SGK1: variants seen among roughly 807,000 people sequenced by gnomAD.
SGK1 encodes serum/glucocorticoid regulated kinase 1.
A neutral mutation model predicts 64.2 loss-of-function variants in SGK1; 26 were observed. The observed-to-expected ratio is 0.40, with a 90% CI of 0.30 to 0.56. The LOEUF is 0.56. SGK1 is among the 20% of genes least tolerant of loss of function. SGK1 has a pLI of 0.38. For missense variants in SGK1, 519 were observed against 645.6 expected (o/e 0.80, Z 2.12); for synonymous variants, 265 against 239.7 (o/e 1.11, Z -0.98).
chr6:134,207,342 T>C lies in SGK1; in HGVS notation c.361+14A>G, dbSNP rs1775810211. ...GTACATAACAGGAAACAGGTTGTAT[T>C]TTTCCAATAATACCTGGATCATCAT... On this transcript the variant is annotated intron_variant, in intron 3 of 13. Coordinates refer to ENST00000367858, the MANE Select transcript of SGK1 (RefSeq NM_001143676.3). 6.4e-7 allele frequency: 1 copy of C among 1,570,706 alleles called. No homozygotes were observed.
chr6:134,268,292 C>T (rs1037952207), intron 1 of SGK1, among the ~76,000 whole-genome samples: 1 of 152,174 alleles, frequency 6.6e-6, no homozygotes, highest in African/African-American at 2.4e-5. Context: ...CACGAATGCC[C>T]GGATGCCAGC....
chr6:134,276,229 C>G (rs1339306752), intron 1 of SGK1, among the ~76,000 whole-genome samples: 3 of 152,150 alleles, frequency 2.0e-5, no homozygotes, highest in Non-Finnish European at 4.4e-5. Flanking sequence ...TTTCAAGGCA[C>G]AGGGAATGAC....
intron 2 of SGK1, among the ~76,000 whole-genome samples, chr6:134,214,037 T>A (rs987555506): frequency 2.0e-5 from 3 of 152,176 alleles, no homozygotes; most frequent in African/African-American, 7.2e-5. Flanking sequence ...GGCTGGAATA[T>A]TTTAAATCAA....
In SGK1 at chr6:134,284,164, C is replaced by T. The variant is rs1489159381; in HGVS notation, c.70-22016G>A. Among the ~76,000 whole-genome samples the T allele has an allele frequency of 2.0e-5, 3 of 152,054 alleles. No homozygotes were observed. The East Asian group carries it at 5.8e-4, about 29-fold the overall frequency. Reference sequence around the variant, plus strand: ...CTGCAGTGCAGTGGCTCAATCTCAGCTCACTGCAACCTCTGCCTCCCAGGT... The same window carrying T: ...CTGCAGTGCAGTGGCTCAATCTCAGTTCACTGCAACCTCTGCCTCCCAGGT... On this transcript the variant is annotated intron_variant, in intron 1 of 13. Coordinates refer to ENST00000367858, the MANE Select transcript of SGK1 (RefSeq NM_001143676.3).
At chr6:134,297,810 G>A (rs919018989) in intron 1 of SGK1, 12 of 651,582 alleles carry the variant, frequency 1.8e-5, no homozygotes, top group Admixed American at 4.1e-5. Context: ...CTAGATCTCA[G>A]TCTTTGTATG....
intron 1 of SGK1, among the ~76,000 whole-genome samples, chr6:134,304,424 G>A (rs1777503767): frequency 6.6e-6 from 1 of 152,172 alleles, no homozygotes; most frequent in Non-Finnish European, 1.5e-5. Flanking sequence ...GGCTGAGGTG[G>A]GAGGATCACT....
intron 2 of SGK1, among the ~76,000 whole-genome samples, chr6:134,254,114 CT>C (rs57975960): frequency 0.021 from 2,605 of 126,760 alleles, 81 homozygotes; most frequent in African/African-American, 0.073. Flanking sequence ...CTAGTCTCTC[CT>C]TTTTTTTTTT....
In SGK1 at chr6:134,172,704, G is replaced by A. The variant is rs1426890902; in HGVS notation, c.905C>T (p.Ala302Val). The change falls in exon 9 of 14, where the codon GCC (alanine) becomes GTC (valine). Residue 302 changes from alanine (A) to valine (V), a missense_variant. Ala to Val is a moderately conservative substitution (Grantham distance 64). Coordinates refer to ENST00000367858, the MANE Select transcript of SGK1 (RefSeq NM_001143676.3). ...PRARFYAAEI[A>V]SALGYLHSLN... Reference sequence around the variant, plus strand: ...TGAATGCAGGTAGCCCAAGGCACTGGCTATTTCAGCAGCATAGAAACGAGC... The same window carrying A: ...TGAATGCAGGTAGCCCAAGGCACTGACTATTTCAGCAGCATAGAAACGAGC... The A allele has an allele frequency of 1.2e-6, 2 of 1,613,972 alleles. No individual in the cohort carries two copies. The highest frequency in any genetic ancestry group is 2.2e-5 in the East Asian group (1 of 44,888).
chr6:134,226,504 A>G (rs1221202534), intron 2 of SGK1, among the ~76,000 whole-genome samples: 2 of 151,956 alleles, frequency 1.3e-5, no homozygotes, highest in African/African-American at 4.8e-5. Context: ...CAGTCTGGGC[A>G]ACATGGTGAA....
intron 2 of SGK1, chr6:134,261,443 A>G (rs1776765336): frequency 4.6e-6 from 1 of 217,560 alleles, no homozygotes; most frequent in East Asian, 9.5e-5. Context: ...GAAAAGGCAA[A>G]TCTATGGAGA....
intron 3 of SGK1, among the ~76,000 whole-genome samples, chr6:134,191,701 C>T (rs1372388744): frequency 6.6e-6 from 1 of 151,310 alleles, no homozygotes; most frequent in Non-Finnish European, 1.5e-5. Flanking sequence ...CGAAGTCTCA[C>T]TCTGTCGCCC....
At chr6:134,185,638 CAG>C (rs1223867938) in intron 3 of SGK1, among the ~76,000 whole-genome samples, 1 of 145,782 alleles carries the variant, frequency 6.9e-6, no homozygotes, top group East Asian at 2.0e-4. Flanking sequence ...TAGAGGGAGA[CAG>C]AGAAAGAGAT....
At chr6:134,191,585 ACC>A in intron 3 of SGK1, among the ~76,000 whole-genome samples, 2 of 152,278 alleles carry the variant, frequency 1.3e-5, no homozygotes, top group South Asian at 4.1e-4. Flanking sequence ...AGTTAAGTCC[ACC>A]TATTATAATA....
chr6:134,172,925 T>C, intron 8 of SGK1, 98 bp downstream of exon 8: 5 of 1,402,236 alleles, frequency 3.6e-6, no homozygotes, highest in Non-Finnish European at 4.9e-6. Flanking sequence ...TCTGGTAACA[T>C]TCTCCCCACC....
chr6:134,258,809 C>T (rs1438642875), intron 2 of SGK1, among the ~76,000 whole-genome samples: 2 of 149,440 alleles, frequency 1.3e-5, no homozygotes, highest in Non-Finnish European at 3.0e-5. Flanking sequence ...CCTGTCTCCA[C>T]AAAAAATAAA....
intron 1 of SGK1, among the ~76,000 whole-genome samples, chr6:134,266,045 G>A (rs939742806): frequency 3.3e-5 from 5 of 151,804 alleles, no homozygotes; most frequent in African/African-American, 4.8e-5. Flanking sequence ...GTGCAGTGGC[G>A]CGATCTCAGC....
In SGK1 at chr6:134,269,652, T is replaced by C. The variant is rs1189061273; in HGVS notation, c.70-7504A>G. Among the ~76,000 whole-genome samples the C allele has an allele frequency of 2.1e-5, 3 of 142,626 alleles. 1 individual carries two copies. Among genetic ancestry groups the C allele is most frequent in the Non-Finnish European group, 1.5e-5 (1 of 64,922 alleles). 93.6% of individuals were successfully genotyped at this position (142,626 alleles called of 152,430 possible). On this transcript the variant is annotated intron_variant, in intron 1 of 13. Transcript: ENST00000367858. The stretch of plus-strand genomic sequence containing the variant: ...CAGCCTGGATGAAAGAGTGAGACTC[T>C]GTCTCAAAAAAAAAAAAAAAGAGAG...
chr6:134,248,144 T>TG (rs1435160124), intron 2 of SGK1, among the ~76,000 whole-genome samples: 1 of 152,084 alleles, frequency 6.6e-6, no homozygotes, highest in Non-Finnish European at 1.5e-5. Context: ...TCATGAGCCT[T>TG]GGGTCTGATT....
At chr6:134,231,866 C>A (rs1465268173) in intron 2 of SGK1, among the ~76,000 whole-genome samples, 1 of 151,604 alleles carries the variant, frequency 6.6e-6, no homozygotes, top group Non-Finnish European at 1.5e-5. Context: ...ATGGTGAAAC[C>A]CTGTCTCTAC....
Sources: allele counts gnomAD v4.1 joint callset (sites outside exome capture counted in the v4.1 genomes callset), GRCh38; gene constraint gnomAD v4.1.1; transcripts MANE v1.5; gene names NCBI Gene and HGNC (gene_info 2026-07-23, HGNC 2026-07-21).